FANCB: variants seen among roughly 807,000 people sequenced by gnomAD.
FANCB encodes the protein FA complementation group B, also known as Fanconi anemia group B protein.
FANCB carries 5 observed loss-of-function variants against 38.9 expected under a neutral mutation model. The ratio of observed to expected loss-of-function variants is 0.13; its 90% CI spans 0.07 to 0.27. The LOEUF is 0.27. Ranked by LOEUF, FANCB falls within the 10% of genes least tolerant of loss-of-function variation. The pLI is 1.00. For missense variants in FANCB, 573 were observed against 602.7 expected (o/e 0.95, Z 0.52); for synonymous variants, 236 against 215.4 (o/e 1.10, Z -0.84).
At chrX:14,737,233 G>T in the FANCB span, among the ~76,000 whole-genome samples, 1 of 111,417 alleles carries the variant, frequency 9.0e-6, no homozygotes, top group Non-Finnish European at 1.9e-5. Context: ...AACCCATTCA[G>T]CTACCCATCC....
the FANCB span, among the ~76,000 whole-genome samples, chrX:14,720,283 A>G: frequency 8.9e-6 from 1 of 111,928 alleles, no homozygotes; most frequent in African/African-American, 3.2e-5. Flanking sequence ...GTATTGAAAT[A>G]CCACCCTTAC....
the FANCB span, among the ~76,000 whole-genome samples, chrX:14,752,695 T>A: frequency 3.6e-5 from 4 of 112,122 alleles, no homozygotes; most frequent in Non-Finnish European, 5.6e-5. Context: ...TAAATGAGTA[T>A]CTTGGCTTTT....
At chrX:14,748,045 A>C in the FANCB span, among the ~76,000 whole-genome samples, 5 of 111,860 alleles carry the variant, frequency 4.5e-5, no homozygotes, top group Admixed American at 4.8e-4. Flanking sequence ...CAATGAAAAA[A>C]GGAGATGGCT....
the FANCB span, among the ~76,000 whole-genome samples, chrX:14,720,843 G>A: frequency 4.6e-3 from 510 of 110,752 alleles, 3 homozygotes; most frequent in Non-Finnish European, 7.5e-3. Context: ...AAAACTGTTG[G>A]GGGCAGGGCT....
At chrX:14,724,980 C>A in the FANCB span, among the ~76,000 whole-genome samples, 1 of 111,514 alleles carries the variant, frequency 9.0e-6, no homozygotes, top group Admixed American at 9.5e-5. Context: ...TTGATAGGGG[C>A]AAAAACGTAC....
At chrX:14,772,764 C>T in the FANCB span, among the ~76,000 whole-genome samples, 2 of 111,659 alleles carry the variant, frequency 1.8e-5, no homozygotes, top group Admixed American at 9.4e-5. Flanking sequence ...TGCTCTGCCA[C>T]GACTCCACAT....
chrX:14,701,916 G>A, the FANCB span, among the ~76,000 whole-genome samples: 4 of 111,998 alleles, frequency 3.6e-5, no homozygotes, highest in Non-Finnish European at 7.5e-5. Flanking sequence ...GACAGGCTCA[G>A]ACAAATATTT....
At chrX:14,736,464 C>T in the FANCB span, among the ~76,000 whole-genome samples, 6 of 111,702 alleles carry the variant, frequency 5.4e-5, no homozygotes, top group Non-Finnish European at 9.4e-5. Context: ...CAGCACAGTC[C>T]CTCACAGCTT....
At chrX:14,798,429 T>A in the FANCB span, among the ~76,000 whole-genome samples, 60 of 112,179 alleles carry the variant, frequency 5.3e-4, no homozygotes, top group African/African-American at 1.9e-3. Flanking sequence ...CCCAAAGTGC[T>A]GGGATTACAG....
At chrX:14,750,016 G>A in the FANCB span, among the ~76,000 whole-genome samples, 9 of 112,060 alleles carry the variant, frequency 8.0e-5, no homozygotes, top group East Asian at 2.0e-3. Flanking sequence ...AGTTTCAAAG[G>A]ATAAAATAAC....
the FANCB span, among the ~76,000 whole-genome samples, chrX:14,743,309 G>A: frequency 1.2e-3 from 129 of 111,587 alleles, no homozygotes; most frequent in Non-Finnish European, 1.4e-3. Flanking sequence ...AACCATGAAT[G>A]TCAAAGGTAT....
At chrX:14,806,270 A>G in the FANCB span, among the ~76,000 whole-genome samples, 2 of 112,154 alleles carry the variant, frequency 1.8e-5, no homozygotes, top group Admixed American at 1.9e-4. Flanking sequence ...AGAGACATGC[A>G]TTGAGAATTT....
rs746890051 is a variant in FANCB at position 14,844,566 on chromosome X, T to C, written c.2102A>G (p.Tyr701Cys). The change falls in exon 9 of 10, where the codon TAT becomes TGT. Residue 701 changes from tyrosine to cysteine, a missense_variant. Physicochemically the swap from Tyr to Cys is radical, Grantham distance 194 (BLOSUM62 -2). Coordinates refer to ENST00000650831, the MANE Select transcript of FANCB (RefSeq NM_001018113.3). The part of the protein sequence containing the change: ...VYFCERPGSF[Y>C]GTLFTWKQRT... ...CTGTTTCCAAGTGAAGAGTGTCCCATAGAAACTTCCCGGTCTTTCACAAAA... is the reference window on the plus strand; with the variant it reads ...CTGTTTCCAAGTGAAGAGTGTCCCACAGAAACTTCCCGGTCTTTCACAAAA... The C allele has an allele frequency of 3.3e-6, 4 of 1,208,565 alleles. No individual in the cohort carries two copies. Among genetic ancestry groups the C allele is most frequent in the South Asian group, 3.5e-5 (2 of 56,803 alleles).
At chrX:14,758,197 C>T in the FANCB span, among the ~76,000 whole-genome samples, 443 of 111,376 alleles carry the variant, frequency 4.0e-3, 1 homozygote, top group Non-Finnish European at 7.1e-3. Context: ...CCCCATCCCC[C>T]ACAGCAGCCA....
the FANCB span, among the ~76,000 whole-genome samples, chrX:14,749,013 AC>A: frequency 8.9e-6 from 1 of 111,944 alleles, no homozygotes; most frequent in Non-Finnish European, 1.9e-5. Context: ...AAGGCATTTC[AC>A]ATAAGGAGTC....
chrX:14,743,802 A>C, the FANCB span, among the ~76,000 whole-genome samples: 1 of 111,011 alleles, frequency 9.0e-6, no homozygotes, highest in Admixed American at 9.6e-5. Context: ...GCCTTTTCCT[A>C]GCTTCTGGTG....
chrX:14,754,179 G>A, the FANCB span, among the ~76,000 whole-genome samples: 1 of 112,682 alleles, frequency 8.9e-6, no homozygotes, highest in Non-Finnish European at 1.9e-5. Flanking sequence ...TTCGCCAGCT[G>A]AACTGCTGCA....
At chrX:14,781,812 A>C in the FANCB span, among the ~76,000 whole-genome samples, 1 of 112,244 alleles carries the variant, frequency 8.9e-6, no homozygotes, top group Non-Finnish European at 1.9e-5. Context: ...TGGGAGCCTA[A>C]AATCACAGAT....
chrX:14,828,357 T>C, the FANCB span, among the ~76,000 whole-genome samples: 1 of 112,365 alleles, frequency 8.9e-6, no homozygotes. Context: ...TTACCCACAG[T>C]AGAACTTCTT....
Sources: gnomAD v4.1 joint callset for allele counts (sites outside exome capture counted in the v4.1 genomes callset) on GRCh38, gnomAD v4.1.1 for gene constraint, MANE v1.5 for transcripts, NCBI Gene and HGNC (gene_info 2026-07-23, HGNC 2026-07-21) for gene names.